GUCD1: variants seen among roughly 807,000 people sequenced by gnomAD.
GUCD1 encodes the protein protein GUCD1.
GUCD1 carries 17 observed loss-of-function variants against 28.3 expected under a neutral mutation model. The observed-to-expected ratio is 0.60, with a 90% confidence interval of 0.41 to 0.90. The LOEUF (loss-of-function observed/expected upper bound fraction) is 0.90, where lower values mean the gene tolerates loss of function less well. GUCD1 is among the 40% of genes least tolerant of loss of function. The probability of loss-of-function intolerance (pLI) is 0.00; values close to 1 mark genes in which losing one functional copy is unlikely to be tolerated. For synonymous variants in GUCD1, 129 were observed against 123.3 expected (o/e 1.05, Z -0.30); for missense variants, 279 against 305.5 (o/e 0.91, Z 0.65).
intron 1 of GUCD1, among the ~76,000 whole-genome samples, chr22:24,551,008 T>C (rs1241883255): frequency 6.6e-6 from 1 of 152,190 alleles, no homozygotes; most frequent in African/African-American, 2.4e-5. Context: ...GCAGGGCCCA[T>C]GGAAGGCACA....
intron 4 of GUCD1, among the ~76,000 whole-genome samples, chr22:24,545,944 C>A (rs779835836): frequency 6.7e-6 from 1 of 150,256 alleles, no homozygotes; most frequent in Non-Finnish European, 1.5e-5. Flanking sequence ...TGTCCCACAT[C>A]CTGGATTTGC....
rs2044623039 is a variant in GUCD1 at position 24,542,690 on chromosome 22, T to C, written c.*316A>G. ...GCGGTCTGTGGGGAGACCATTGCCA[T>C]GGATCTGGCTCAAAGGCAACAAGGG... On this transcript the variant is annotated 3_prime_UTR_variant, in exon 6 of 6. Coordinates refer to ENST00000435822, the MANE Select transcript of GUCD1 (RefSeq NM_001284254.2). 5.7e-6 allele frequency: 2 copies of C among 351,730 alleles called. No individual in the cohort carries two copies. The highest frequency in any genetic ancestry group is 1.3e-4 in the East Asian group (2 of 14,966). The allele number at this position is 351,730 out of a possible 1,614,324, so 21.8% of individuals were successfully genotyped here.
At chr22:24,546,622 C>A (rs1360052479) in intron 4 of GUCD1, among the ~76,000 whole-genome samples, 1 of 152,204 alleles carries the variant, frequency 6.6e-6, no homozygotes, top group Admixed American at 6.5e-5. Flanking sequence ...CTGTCCCATG[C>A]TGTCTTTCTG....
At chr22:24,550,095 C>T (rs1175388296) in intron 1 of GUCD1, among the ~76,000 whole-genome samples, 1 of 152,258 alleles carries the variant, frequency 6.6e-6, no homozygotes, top group East Asian at 1.9e-4. Flanking sequence ...AGGGCCTGAC[C>T]TAGCGTTCCA....
rs1355830071 is a variant in GUCD1, at chr22:24,549,001, C to T, written c.44G>A (p.Gly15Glu). The change falls in exon 2 of 6, where the codon GGG becomes GAG. Residue 15 changes from glycine (G) to glutamate (E), a missense_variant and splice_region_variant. Physicochemically the swap from Gly to Glu is moderately conservative, Grantham distance 98 (BLOSUM62 -2). Transcript: ENST00000435822. ...GGGCACAGGCAGTTGCACAAAGTCC[C>T]CTGTGCAGAAACAGAGGGAGGTCAC... Reference protein sequence around the residue: ...AEAAGPPLEPGDFVQLPVPVI... With the variant: ...AEAAGPPLEPEDFVQLPVPVI... 4 of 1,569,282 alleles carry T rather than the reference C, an allele frequency of 2.5e-6. No homozygotes were observed. In the Admixed American group the frequency reaches 5.7e-5, roughly 22 times the overall value.
chr22:24,545,610 CT>C (rs568025114), intron 4 of GUCD1, among the ~76,000 whole-genome samples: 90 of 147,846 alleles, frequency 6.1e-4, no homozygotes, highest in Non-Finnish European at 8.6e-4. Context: ...CCACTATATT[CT>C]TTTTTTTTTT....
rs1319228062 is a variant in GUCD1 at position 24,542,211 on chromosome 22, T to C, written c.*795A>G. 6.6e-6 allele frequency: 1 copy of C among 152,268 alleles called. No individual in the cohort carries two copies. The highest frequency in any genetic ancestry group is 1.5e-5 in the Non-Finnish European group (1 of 68,090). The allele number at this position is 152,268 out of a possible 1,614,324, so 9.4% of individuals were successfully genotyped here. Reference sequence around the variant, plus strand: ...CCTGCTGTCAGGATTTTGGCTGGTGTCAGGAGGCCTCCTGGGTGCAGGGAT... The same window carrying C: ...CCTGCTGTCAGGATTTTGGCTGGTGCCAGGAGGCCTCCTGGGTGCAGGGAT... On this transcript the variant is annotated 3_prime_UTR_variant, in exon 6 of 6. Transcript: ENST00000435822.
At chr22:24,554,830 G>A (rs1405971541) in intron 1 of GUCD1, 119 bp downstream of exon 1, 3 of 731,778 alleles carry the variant, frequency 4.1e-6, no homozygotes, top group African/African-American at 3.7e-5. Flanking sequence ...CTGGAACCAG[G>A]CGGGTGTGGG....
intron 4 of GUCD1, 141 bp from the exon 5 acceptor site, chr22:24,544,224 T>C: frequency 8.3e-7 from 1 of 1,211,240 alleles, no homozygotes; most frequent in Non-Finnish European, 1.1e-6. Flanking sequence ...CCCTGCTCTG[T>C]CACTGTGGCC....
rs1164711973 is a variant in GUCD1, at chr22:24,542,246, G to C, written c.*760C>G. ...TCCTGGGTGCAGGGATCCCTCTGGGGCTAGGGCAGCTGTTTATTCCCAGAG... is the reference window on the plus strand; with the variant it reads ...TCCTGGGTGCAGGGATCCCTCTGGGCCTAGGGCAGCTGTTTATTCCCAGAG... On this transcript the variant is annotated 3_prime_UTR_variant, in exon 6 of 6. Coordinates refer to ENST00000435822, the MANE Select transcript of GUCD1 (RefSeq NM_001284254.2). 1 of 152,386 alleles carries C rather than the reference G, an allele frequency of 6.6e-6. No homozygotes were observed. The highest frequency in any genetic ancestry group is 1.9e-4 in the East Asian group (1 of 5,180). The allele number at this position is 152,386 out of a possible 1,614,324, so 9.4% of individuals were successfully genotyped here.
upstream of GUCD1, chr22:24,555,521 T>C: frequency 7.1e-7 from 1 of 1,401,852 alleles, no homozygotes; most frequent in South Asian, 1.3e-5. Flanking sequence ...CTCCTCCAAC[T>C]GTCTTTAGGG....
intron 1 of GUCD1, among the ~76,000 whole-genome samples, chr22:24,554,601 C>T (rs1225109882): frequency 6.6e-6 from 1 of 152,242 alleles, no homozygotes; most frequent in Non-Finnish European, 1.5e-5. Context: ...CGCCGAGTCT[C>T]GGAGGCCAGG....
rs888902197 is a variant in GUCD1, at chr22:24,541,610, C to T, written c.*1396G>A. On this transcript the variant is annotated 3_prime_UTR_variant, in exon 6 of 6. Coordinates refer to ENST00000435822, the MANE Select transcript of GUCD1 (RefSeq NM_001284254.2). ...TGCCACTGCACTCCAGTCTGGGCAA[C>T]AGAGTGAGTCTCCGTCTCAAAAAAA... The T allele has an allele frequency of 1.4e-5, 2 of 140,620 alleles. No individual in the cohort carries two copies. Among genetic ancestry groups the T allele is most frequent in the Non-Finnish European group, 3.0e-5 (2 of 66,076 alleles). The allele number at this position is 140,620 out of a possible 1,614,324, so 8.7% of individuals were successfully genotyped here.
chr22:24,555,001 G>A lies in GUCD1; in HGVS notation c.-10C>T. The A allele has an allele frequency of 1.3e-6, 2 of 1,509,362 alleles. No individual in the cohort carries two copies. Among genetic ancestry groups the A allele is most frequent in the Non-Finnish European group, 1.8e-6 (2 of 1,134,778 alleles). 93.5% of individuals were successfully genotyped at this position (1,509,362 alleles called of 1,614,324 possible). On this transcript the variant is annotated 5_prime_UTR_variant, in exon 1 of 6. Transcript: ENST00000435822. ...CCGCCTCCGTCCTCATGACCCGGGC[G>A]GCGCGGGGCGCCCATGGCCCCGGCC...
At chr22:24,548,208 T>A in intron 2 of GUCD1, 135 bp from the exon 3 acceptor site, 1 of 727,380 alleles carries the variant, frequency 1.4e-6, no homozygotes, top group Non-Finnish European at 2.3e-6. Context: ...CATGAGACCC[T>A]AGGTCCTGCC....
At chr22:24,555,865 C>T (rs551696359), upstream of GUCD1, 9 of 1,525,838 alleles carry the variant, frequency 5.9e-6, no homozygotes, top group South Asian at 7.2e-5. Context: ...GTACTGGTGC[C>T]CTAGTTTCCC....
chr22:24,545,098 T>G (rs920431963), intron 4 of GUCD1, among the ~76,000 whole-genome samples: 15 of 151,028 alleles, frequency 9.9e-5, no homozygotes, highest in African/African-American at 2.9e-4. Context: ...CAGGGGGAGC[T>G]CTAGGCCAGG....
chr22:24,547,827 C>T (rs1459853534), intron 3 of GUCD1, 81 bp downstream of exon 3: 3 of 1,467,930 alleles, frequency 2.0e-6, no homozygotes, highest in Non-Finnish European at 1.9e-6. Context: ...CTTGACTGTT[C>T]CCTCTTCCAA....
chr22:24,554,855 C>T, intron 1 of GUCD1, 94 bp downstream of exon 1: 2 of 968,196 alleles, frequency 2.1e-6, no homozygotes, highest in South Asian at 1.4e-5. Context: ...AGGCGGGAGT[C>T]GGCCCAAGGT....
Sources: allele counts gnomAD v4.1 joint callset (sites outside exome capture counted in the v4.1 genomes callset), GRCh38; gene constraint gnomAD v4.1.1; transcripts MANE v1.5; gene names NCBI Gene and HGNC (gene_info 2026-07-23, HGNC 2026-07-21).